Variants in ICA1 observed in about 807,000 individuals in gnomAD.
The protein encoded by ICA1 is islet cell autoantigen 1, also known as 69 kDa islet cell autoantigen.
In ICA1, 40 loss-of-function variants were observed where a neutral mutation model predicts 71.0. The observed-to-expected ratio is 0.56, with a 90% CI of 0.44 to 0.73. ICA1 has a LOEUF of 0.73. Among genes scored for constraint, ICA1 ranks in the 30% least tolerant of loss-of-function variants. The pLI, the probability that ICA1 is intolerant of heterozygous loss-of-function variation, is 0.00. For synonymous variants in ICA1, 207 were observed against 209.5 expected (o/e 0.99, Z 0.10); for missense variants, 578 against 576.5 (o/e 1.00, Z -0.03).
At chr7:8,189,991 G>A (rs1785079247) in intron 6 of ICA1, among the ~76,000 whole-genome samples, 1 of 152,224 alleles carries the variant, frequency 6.6e-6, no homozygotes, top group Non-Finnish European at 1.5e-5. Context: ...ACTAATTGGA[G>A]GGACGGGCTC....
chr7:8,145,746 GTGTATATA>G (rs1301466175), intron 8 of ICA1, among the ~76,000 whole-genome samples: 1 of 33,504 alleles, frequency 3.0e-5, no homozygotes, highest in African/African-American at 5.1e-5. Context: ...TGGAATCATT[GTGTATATA>G]TATATATATA....
At position 8,158,577 on chromosome 7, in the gene ICA1, G is replaced by A; in HGVS notation, c.655C>T (p.Leu219Phe). 6.2e-7 allele frequency: 1 copy of A among 1,614,098 alleles called. No individual in the cohort carries two copies. Among genetic ancestry groups the A allele is most frequent in the Non-Finnish European group, 8.5e-7 (1 of 1,179,974 alleles). Residue 219 changes from leucine to phenylalanine, a missense_variant, in exon 7 of 14, where the codon CTT becomes TTT. Transcript: ENST00000402384. ...AAGAGATTGCATCTGCTCGCTCCAA[G>A]AAGATCCACTTTTTGACAAACATCC... ...KMDVCQKVDLLGASRCNLLSH... is the reference protein window; with the variant it reads ...KMDVCQKVDLFGASRCNLLSH...
rs534136502 is a variant in ICA1, at chr7:8,119,128, G to A, written c.1331-5084C>T. On this transcript the variant is annotated intron_variant, in intron 13 of 13. Transcript: ENST00000402384. Reference sequence around the variant, plus strand: ...CTAAGAATCAGAGGGGCCCACTTCAGGACCCCACACTCCCAGGCAGCTGAC... The same window carrying A: ...CTAAGAATCAGAGGGGCCCACTTCAAGACCCCACACTCCCAGGCAGCTGAC... Among the ~76,000 whole-genome samples, 25 of 152,270 alleles carry A rather than the reference G, an allele frequency of 1.6e-4. 1 individual carries two copies. In the East Asian group the frequency reaches 3.9e-3, roughly 23 times the overall value.
intron 6 of ICA1, among the ~76,000 whole-genome samples, chr7:8,174,649 G>T (rs1299884876): frequency 6.6e-6 from 1 of 151,446 alleles, no homozygotes; most frequent in Non-Finnish European, 1.5e-5. Context: ...AAAAAAATCA[G>T]CTGGGTGTGG....
chr7:8,249,959 T>A (rs1312961602), intron 1 of ICA1, among the ~76,000 whole-genome samples: 1 of 152,184 alleles, frequency 6.6e-6, no homozygotes, highest in Non-Finnish European at 1.5e-5. Flanking sequence ...AAGAACTGAA[T>A]AAAGCCCCTT....
At chr7:8,146,529 T>G (rs752149644) in intron 8 of ICA1, among the ~76,000 whole-genome samples, 17 of 152,088 alleles carry the variant, frequency 1.1e-4, no homozygotes, top group Non-Finnish European at 2.4e-4. Flanking sequence ...CATCATCATC[T>G]TTTGCTCTGT....
intron 8 of ICA1, among the ~76,000 whole-genome samples, chr7:8,148,141 AAAATGAAC>A (rs1797671449): frequency 6.6e-6 from 1 of 152,220 alleles, no homozygotes; most frequent in Non-Finnish European, 1.5e-5. Context: ...AGCAGTTTGG[AAAATGAAC>A]AAATGAATAA....
chr7:8,255,523 C>T (rs911473950), intron 1 of ICA1, among the ~76,000 whole-genome samples: 17 of 152,164 alleles, frequency 1.1e-4, no homozygotes, highest in Admixed American at 5.2e-4. Context: ...GGTGAGGCCA[C>T]TTCCATGGCT....
chr7:8,255,801 G>T (rs1434113682), intron 1 of ICA1, among the ~76,000 whole-genome samples: 2 of 118,930 alleles, frequency 1.7e-5, no homozygotes, highest in South Asian at 2.3e-4. Flanking sequence ...TTTTGGCAGG[G>T]TCTTGCTCTG....
At chr7:8,156,035 C>T (rs141304978) in intron 8 of ICA1, among the ~76,000 whole-genome samples, 75 of 152,302 alleles carry the variant, frequency 4.9e-4, no homozygotes, top group African/African-American at 1.4e-3. Flanking sequence ...AATCAATGGG[C>T]GGGCGGCCAG....
chr7:8,119,470 G>A (rs1785970215), intron 13 of ICA1, among the ~76,000 whole-genome samples: 1 of 152,176 alleles, frequency 6.6e-6, no homozygotes, highest in Non-Finnish European at 1.5e-5. Context: ...TGTCAAAATG[G>A]AACTCACTTC....
chr7:8,236,495 G>C (rs1801894792), intron 1 of ICA1, among the ~76,000 whole-genome samples: 1 of 152,174 alleles, frequency 6.6e-6, no homozygotes, highest in Admixed American at 6.5e-5. Context: ...TATTGCATCT[G>C]TATGCCTCCT....
rs1286392191 is a variant in ICA1 at position 8,262,116 on chromosome 7, G to A, written c.-102C>T. On this transcript the variant is annotated 5_prime_UTR_variant, in exon 1 of 14. Transcript: ENST00000402384. Reference sequence around the variant, plus strand: ...TACCTCGGAGCCCCGGCCCCCAGGAGCCTCCCGGCCGCGGTCGGAGCGTCC... The same window carrying A: ...TACCTCGGAGCCCCGGCCCCCAGGAACCTCCCGGCCGCGGTCGGAGCGTCC... 1 of 152,154 alleles carries A rather than the reference G, an allele frequency of 6.6e-6. No homozygotes were observed. Among genetic ancestry groups the A allele is most frequent in the African/African-American group, 2.4e-5 (1 of 41,432 alleles). 9.4% of individuals were successfully genotyped at this position (152,154 alleles called of 1,614,324 possible).
chr7:8,211,020 T>C (rs1031078195), intron 6 of ICA1, among the ~76,000 whole-genome samples: 6 of 152,136 alleles, frequency 3.9e-5, no homozygotes, highest in Non-Finnish European at 5.9e-5. Flanking sequence ...GGAAGGCCGC[T>C]GAATCGTAGA....
chr7:8,257,427 T>C (rs1810592667), intron 1 of ICA1, among the ~76,000 whole-genome samples: 1 of 152,220 alleles, frequency 6.6e-6, no homozygotes, highest in Non-Finnish European at 1.5e-5. Context: ...GATTTCAATA[T>C]GTATACTCTT....
intron 8 of ICA1, among the ~76,000 whole-genome samples, chr7:8,147,123 C>A (rs1243637434): frequency 6.6e-6 from 1 of 152,086 alleles, no homozygotes; most frequent in Admixed American, 6.5e-5. Context: ...TGCTCTCAGC[C>A]GGCCCTGTCT....
intron 8 of ICA1, among the ~76,000 whole-genome samples, chr7:8,149,360 G>A (rs1209330416): frequency 6.6e-6 from 1 of 152,188 alleles, no homozygotes; most frequent in Non-Finnish European, 1.5e-5. Flanking sequence ...TTTAGACTAA[G>A]AAACTTTTCT....
At chr7:8,181,176 G>A (rs921559904) in intron 6 of ICA1, among the ~76,000 whole-genome samples, 5 of 151,954 alleles carry the variant, frequency 3.3e-5, no homozygotes, top group African/African-American at 9.7e-5. Context: ...AATAGGGGTC[G>A]GGTTCCTGGT....
chr7:8,253,196 C>A (rs1158089731), intron 1 of ICA1, among the ~76,000 whole-genome samples: 1 of 152,108 alleles, frequency 6.6e-6, no homozygotes, highest in Admixed American at 6.6e-5. Context: ...TTACAAATAC[C>A]CTTAAACAGT....
Sources: gnomAD v4.1 joint callset for allele counts (sites outside exome capture counted in the v4.1 genomes callset) on GRCh38, gnomAD v4.1.1 for gene constraint, MANE v1.5 for transcripts, NCBI Gene and HGNC (gene_info 2026-07-23, HGNC 2026-07-21) for gene names.